The following ARMH3 variants were observed in gnomAD, a reference collection of about 807,000 sequenced individuals.
The protein encoded by ARMH3 is armadillo like helical domain containing 3.
In ARMH3, 60 loss-of-function variants were observed where a neutral mutation model predicts 99.1. The observed-to-expected ratio is 0.61, with a 90% confidence interval of 0.49 to 0.75. The LOEUF is 0.75. Ranked by LOEUF, ARMH3 falls within the 30% of genes least tolerant of loss-of-function variation. The probability of loss-of-function intolerance (pLI) is 0.00; values close to 1 mark genes in which losing one functional copy is unlikely to be tolerated. For synonymous variants in ARMH3, 285 were observed against 292.8 expected, an observed-to-expected ratio of 0.97 and a Z score of 0.27; for missense variants, 679 against 843.1, an observed-to-expected ratio of 0.81 and a Z score of 2.41.
chr10:101,918,287 C>A (rs1843165758), intron 23 of ARMH3, among the ~76,000 whole-genome samples: 2 of 152,206 alleles, frequency 1.3e-5, no homozygotes, highest in Admixed American at 1.3e-4. Flanking sequence ...CTCCTGACCT[C>A]AAGTGATCCG....
At position 101,893,303 on chromosome 10, in the gene ARMH3, C is replaced by T. The variant is rs539648625; in HGVS notation, c.1782-3813G>A. On this transcript the variant is annotated intron_variant, in intron 23 of 25. Transcript: ENST00000370033. The stretch of plus-strand genomic sequence containing the variant: ...AGGTATCTTCGAAAAAGATTTTGCA[C>T]TCTGTAAATGCATCCACATTTTATG... 3.9e-5 allele frequency among the ~76,000 whole-genome samples: 6 copies of T among 152,296 alleles called. No individual in the cohort carries two copies. The South Asian group carries it at 8.3e-4, about 21-fold the overall frequency.
At chr10:101,975,024 T>C (rs1590115196) in intron 20 of ARMH3, among the ~76,000 whole-genome samples, 188 bp downstream of exon 20, 1 of 118,986 alleles carries the variant, frequency 8.4e-6, no homozygotes, top group Non-Finnish European at 1.7e-5. Flanking sequence ...CACACCCAGG[T>C]CTGGATTCGA....
At chr10:101,927,276 A>G (rs1455575425) in intron 23 of ARMH3, among the ~76,000 whole-genome samples, 1 of 152,228 alleles carries the variant, frequency 6.6e-6, no homozygotes, top group Admixed American at 6.5e-5. Context: ...ACAAGTGCAA[A>G]CCCAAGGCCT....
intron 1 of ARMH3, among the ~76,000 whole-genome samples, chr10:102,046,105 A>T (rs1005982316): frequency 7.9e-5 from 12 of 152,150 alleles, no homozygotes; most frequent in African/African-American, 2.9e-4. Context: ...CAAAAAAAAT[A>T]AAAATAAAAT....
At chr10:101,953,364 G>T (rs1844882642) in intron 22 of ARMH3, among the ~76,000 whole-genome samples, 1 of 152,232 alleles carries the variant, frequency 6.6e-6, no homozygotes, top group Admixed American at 6.5e-5. Flanking sequence ...GAGCTCAAGT[G>T]ATCTGCCTAC....
intron 23 of ARMH3, among the ~76,000 whole-genome samples, chr10:101,906,302 T>C (rs1381588436): frequency 6.6e-6 from 1 of 152,228 alleles, no homozygotes; most frequent in Admixed American, 6.5e-5. Flanking sequence ...GTCATAAGGT[T>C]TGGGCAACTT....
intron 4 of ARMH3, among the ~76,000 whole-genome samples, chr10:102,030,109 C>A (rs1008257567): frequency 1.3e-5 from 2 of 151,836 alleles, no homozygotes; most frequent in African/African-American, 4.8e-5. Context: ...TTTGTAGAGA[C>A]AGGGTCTCAC....
chr10:101,963,922 G>A (rs1182070430), intron 20 of ARMH3, among the ~76,000 whole-genome samples: 1 of 149,540 alleles, frequency 6.7e-6, no homozygotes, highest in Non-Finnish European at 1.5e-5. Context: ...TGTCGCCCAG[G>A]CTGGACTGCA....
At chr10:102,023,064 G>A (rs1250120170) in intron 8 of ARMH3, among the ~76,000 whole-genome samples, 1 of 151,980 alleles carries the variant, frequency 6.6e-6, no homozygotes, top group African/African-American at 2.4e-5. Context: ...CCGCATGCCT[G>A]TAATCCCAAC....
chr10:102,050,990 C>G (rs1473428286), intron 1 of ARMH3, among the ~76,000 whole-genome samples: 1 of 151,268 alleles, frequency 6.6e-6, no homozygotes, highest in African/African-American at 2.4e-5. Flanking sequence ...CCTGCCTCTA[C>G]TAAAAATATA....
chr10:101,888,000 T>C (rs1188623649), intron 24 of ARMH3, among the ~76,000 whole-genome samples: 1 of 151,446 alleles, frequency 6.6e-6, no homozygotes, highest in African/African-American at 2.4e-5. Flanking sequence ...GATTTCAGCT[T>C]GACCTTCCCA....
At chr10:101,889,644 CA>C (rs2067639675) in intron 23 of ARMH3, 154 bp from the exon 24 acceptor site, 2 of 701,452 alleles carry the variant, frequency 2.9e-6, no homozygotes, top group Non-Finnish European at 5.2e-6. Flanking sequence ...GAGGTAGTCA[CA>C]AATGGGGGTG....
intron 8 of ARMH3, among the ~76,000 whole-genome samples, chr10:102,016,174 A>C (rs912540381): frequency 3.9e-5 from 6 of 152,192 alleles, no homozygotes; most frequent in Non-Finnish European, 7.3e-5. Flanking sequence ...AGAAGTACTT[A>C]GGATTTTGGA....
At chr10:101,884,540 C>T (rs952334896) in intron 24 of ARMH3, among the ~76,000 whole-genome samples, 11 of 152,130 alleles carry the variant, frequency 7.2e-5, no homozygotes, top group Non-Finnish European at 7.3e-5. Flanking sequence ...GTTGTATCTT[C>T]TCCGTAATCT....
At chr10:101,852,173 A>C (rs1564688802) in intron 24 of ARMH3, among the ~76,000 whole-genome samples, 1 of 152,230 alleles carries the variant, frequency 6.6e-6, no homozygotes, top group Non-Finnish European at 1.5e-5. Context: ...GTCAAGTGCC[A>C]AAGGACAAAC....
intron 22 of ARMH3, among the ~76,000 whole-genome samples, chr10:101,947,719 G>C (rs1473069309): frequency 6.6e-6 from 1 of 151,960 alleles, no homozygotes; most frequent in Non-Finnish European, 1.5e-5. Context: ...AGAATCGCTT[G>C]AACCGGGGAG....
chr10:101,938,032 CTTTG>C (rs1006830170), intron 23 of ARMH3, among the ~76,000 whole-genome samples: 1 of 151,650 alleles, frequency 6.6e-6, no homozygotes, highest in African/African-American at 2.4e-5. Context: ...CCCAGCTAAT[CTTTG>C]TTTATTTTGT....
chr10:101,991,951 T>C lies in ARMH3; in HGVS notation c.1345+18A>G, dbSNP rs778550579. ...TCGCTGTCACAGAACAATGTCAATG[T>C]TGATGATACTCACTCACCCAGTACT... On this transcript the variant is annotated intron_variant, in intron 18 of 25. Transcript: ENST00000370033. 14 of 1,604,124 alleles carry C rather than the reference T, an allele frequency of 8.7e-6. No homozygotes were observed. The highest frequency in any genetic ancestry group is 1.7e-5 in the Admixed American group (1 of 59,974).
chr10:102,006,724 G>C lies in ARMH3; in HGVS notation c.955-91C>G, dbSNP rs979428018. The C allele has an allele frequency of 6.4e-6, 8 of 1,241,316 alleles. No individual in the cohort carries two copies. The African/African-American group carries it at 1.2e-4, about 19-fold the overall frequency. The allele number at this position is 1,241,316 out of a possible 1,614,324, so 76.9% of individuals were successfully genotyped here. Reference sequence around the variant, plus strand: ...AATACCAATAAGGACTGGTATTCTGGACCTTATAATTTTTTTTTTTTGAGA... The same window carrying C: ...AATACCAATAAGGACTGGTATTCTGCACCTTATAATTTTTTTTTTTTGAGA... On this transcript the variant is annotated intron_variant, in intron 13 of 25. Transcript: ENST00000370033.
Sources: allele counts gnomAD v4.1 joint callset (sites outside exome capture counted in the v4.1 genomes callset), GRCh38; gene constraint gnomAD v4.1.1; transcripts MANE v1.5; gene names NCBI Gene and HGNC (gene_info 2026-07-23, HGNC 2026-07-21).